L3MBTL4: variants seen among roughly 807,000 people sequenced by gnomAD.
The protein encoded by L3MBTL4 is L3MBTL histone methyl-lysine binding protein 4.
In L3MBTL4, 70 loss-of-function variants were observed where a neutral mutation model predicts 84.5. The observed-to-expected ratio is 0.83, with a 90% CI of 0.68 to 1.01. The LOEUF is 1.01. Ranked by LOEUF, L3MBTL4 falls within the 50% of genes least tolerant of loss-of-function variation. The pLI, the probability that L3MBTL4 is intolerant of heterozygous loss-of-function variation, is 0.00. For missense variants in L3MBTL4, 715 were observed against 754.8 expected (o/e 0.95, Z 0.62); for synonymous variants, 274 against 259.8 (o/e 1.05, Z -0.52).
intron 16 of L3MBTL4, among the ~76,000 whole-genome samples, chr18:6,028,577 T>C (rs1267517020): frequency 6.6e-6 from 1 of 152,206 alleles, no homozygotes; most frequent in African/African-American, 2.4e-5. Flanking sequence ...GTGAAGAAAG[T>C]CAATGGTAGC....
At chr18:6,263,466 A>T (rs2048497202) in intron 5 of L3MBTL4, among the ~76,000 whole-genome samples, 1 of 152,146 alleles carries the variant, frequency 6.6e-6, no homozygotes, top group South Asian at 2.1e-4. Context: ...TCACCTTTCT[A>T]GTCATGTATG....
At chr18:6,159,267 A>T (rs1305554847) in intron 13 of L3MBTL4, among the ~76,000 whole-genome samples, 1 of 152,158 alleles carries the variant, frequency 6.6e-6, no homozygotes, top group Admixed American at 6.5e-5. Flanking sequence ...TTCTGTTCAG[A>T]GACGGGATAA....
At chr18:5,971,429 T>C (rs144434535) in intron 16 of L3MBTL4, among the ~76,000 whole-genome samples, 2 of 152,326 alleles carry the variant, frequency 1.3e-5, no homozygotes, top group African/African-American at 2.4e-5. Context: ...TTTGCTGAAA[T>C]AGTGTGGACT....
chr18:6,180,801 A>C (rs2044433503), intron 12 of L3MBTL4, among the ~76,000 whole-genome samples: 1 of 152,154 alleles, frequency 6.6e-6, no homozygotes, highest in South Asian at 2.1e-4. Flanking sequence ...CAAACCCTAG[A>C]TTATTTGCTG....
intron 1 of L3MBTL4, among the ~76,000 whole-genome samples, chr18:6,363,491 T>C (rs1031598618): frequency 6.6e-6 from 1 of 152,116 alleles, no homozygotes; most frequent in African/African-American, 2.4e-5. Context: ...GTGACAAAGA[T>C]AAAGAAAATG....
intron 14 of L3MBTL4, among the ~76,000 whole-genome samples, chr18:6,104,909 T>C (rs2058951651): frequency 6.6e-6 from 1 of 152,128 alleles, no homozygotes; most frequent in Admixed American, 6.6e-5. Context: ...TAATTTAGAG[T>C]TTGTAAAGCA....
intron 1 of L3MBTL4, chr18:6,326,781 A>G (rs915828584): frequency 2.0e-5 from 3 of 152,228 alleles, no homozygotes; most frequent in Admixed American, 6.5e-5. Flanking sequence ...TGTTCCACTG[A>G]TAAGTATTGT....
chr18:6,311,792 C>T (rs1277151413), intron 2 of L3MBTL4, 136 bp from the exon 3 acceptor site: 2 of 593,246 alleles, frequency 3.4e-6, no homozygotes, highest in Admixed American at 2.9e-5. Flanking sequence ...TTGACAAAAA[C>T]TTTGCAATTG....
At chr18:6,235,430 A>C (rs554497360) in intron 10 of L3MBTL4, among the ~76,000 whole-genome samples, 4 of 152,216 alleles carry the variant, frequency 2.6e-5, no homozygotes, top group Non-Finnish European at 5.9e-5. Context: ...ACTAAACCAA[A>C]TGTTCATCCA....
chr18:6,165,510 G>T (rs1385557524), intron 13 of L3MBTL4, among the ~76,000 whole-genome samples: 1 of 151,994 alleles, frequency 6.6e-6, no homozygotes, highest in Non-Finnish European at 1.5e-5. Flanking sequence ...AGCCAGAAGA[G>T]AGTGGGGGCC....
chr18:6,348,072 A>G (rs1399601873), intron 1 of L3MBTL4, among the ~76,000 whole-genome samples: 1 of 152,052 alleles, frequency 6.6e-6, no homozygotes, highest in East Asian at 1.9e-4. Flanking sequence ...AAGACCTAAT[A>G]CTAAATCTAA....
chr18:5,963,712 T>G (rs2052184019), intron 17 of L3MBTL4, among the ~76,000 whole-genome samples: 1 of 152,252 alleles, frequency 6.6e-6, no homozygotes, highest in Non-Finnish European at 1.5e-5. Context: ...CCCCTACAAA[T>G]AAATTGTATT....
rs2601555 is a variant in L3MBTL4, at chr18:6,275,289, A to C, written c.128-11251T>G. 9.7e-3 allele frequency among the ~76,000 whole-genome samples: 1,483 copies of C among 152,170 alleles called. 35 individuals carry two copies. Among genetic ancestry groups the C allele is most frequent in the African/African-American group, 0.033 (1,377 of 41,472 alleles). On this transcript the variant is annotated intron_variant, in intron 4 of 18. Transcript: ENST00000317931. ...GCAGCCAGAGAAACGGGAGGAATGC[A>C]GGTGGAAATGCTTTCAAGTAGAGAA...
intron 5 of L3MBTL4, among the ~76,000 whole-genome samples, chr18:6,249,137 T>C (rs553192641): frequency 6.6e-6 from 1 of 152,342 alleles, no homozygotes; most frequent in South Asian, 2.1e-4. Context: ...GACTACCTCC[T>C]GTTCACTGCT....
intron 16 of L3MBTL4, among the ~76,000 whole-genome samples, chr18:6,043,828 T>A (rs1014513804): frequency 5.9e-5 from 9 of 152,192 alleles, no homozygotes; most frequent in Admixed American, 3.3e-4. Flanking sequence ...CAAATACAGA[T>A]CTATGTTTTT....
chr18:6,139,407 C>T (rs772898259), intron 13 of L3MBTL4, among the ~76,000 whole-genome samples: 1 of 152,070 alleles, frequency 6.6e-6, no homozygotes, highest in Admixed American at 6.6e-5. Flanking sequence ...GCCCAAGAGG[C>T]AGTCTACATC....
Position 6,090,843 on chromosome 18 carries a change from C to G in L3MBTL4, c.1373+2512G>C, listed in dbSNP as rs145042158. On this transcript the variant is annotated intron_variant, in intron 15 of 18. Transcript: ENST00000317931. Reference sequence around the variant, plus strand: ...AGAGATGGGGTTTCATGATGTTGCCCAGACTGGAACTCTGGATATTCTAAT... The same window carrying G: ...AGAGATGGGGTTTCATGATGTTGCCGAGACTGGAACTCTGGATATTCTAAT... Among the ~76,000 whole-genome samples, 356 of 150,068 alleles carry G rather than the reference C, an allele frequency of 2.4e-3. 3 individuals are homozygous for G. Among genetic ancestry groups the G allele is most frequent in the African/African-American group, 8.4e-3 (340 of 40,528 alleles).
chr18:6,131,747 G>A (rs1454715319), intron 14 of L3MBTL4, among the ~76,000 whole-genome samples: 3 of 152,174 alleles, frequency 2.0e-5, no homozygotes, highest in African/African-American at 7.2e-5. Context: ...GCATGTGTGT[G>A]TGCGCAAGTG....
In L3MBTL4 at chr18:6,359,586, C is replaced by CT. The variant is rs139056485; in HGVS notation, c.-90-47531dup. On this transcript the variant is annotated intron_variant, in intron 1 of 18. Transcript: ENST00000317931. Reference sequence around the variant, plus strand: ...AGAAGAGGGTGAAACTATGACATATCTAAAAAAAAAATTCTAAAGCATTCT... The same window carrying CT: ...AGAAGAGGGTGAAACTATGACATATCTTAAAAAAAAAATTCTAAAGCATTCT... 3.9e-3 allele frequency among the ~76,000 whole-genome samples: 593 copies of CT among 150,876 alleles called. 3 individuals carry two copies. The highest frequency in any genetic ancestry group is 0.014 in the African/African-American group (565 of 40,926).
Sources: gnomAD v4.1 joint callset for allele counts (sites outside exome capture counted in the v4.1 genomes callset) on GRCh38, gnomAD v4.1.1 for gene constraint, MANE v1.5 for transcripts, NCBI Gene and HGNC (gene_info 2026-07-23, HGNC 2026-07-21) for gene names.